COL22A1: variants seen among roughly 807,000 people sequenced by gnomAD.
The protein encoded by COL22A1 is collagen type XXII alpha 1 chain, also known as collagen alpha-1(XXII) chain.
COL22A1 carries 221 observed loss-of-function variants against 248.9 expected under a neutral mutation model. The ratio of observed to expected loss-of-function variants is 0.89; its 90% CI spans 0.80 to 0.99. The LOEUF (loss-of-function observed/expected upper bound fraction) is 0.99, where lower values mean the gene tolerates loss of function less well. Among genes scored for constraint, COL22A1 ranks in the 50% least tolerant of loss-of-function variants. COL22A1 has a pLI of 0.00. For synonymous variants in COL22A1, 891 were observed against 793.4 expected, an observed-to-expected ratio of 1.12 and a Z score of -2.07; for missense variants, 2,240 against 2,179.0, an observed-to-expected ratio of 1.03 and a Z score of -0.56.
chr8:138,807,907 C>G, intron 9 of COL22A1, 95 bp from the exon 10 acceptor site: 1 of 1,292,682 alleles, frequency 7.7e-7, no homozygotes, highest in Admixed American at 1.7e-5. Context: ...TGCTTAGAAG[C>G]CAATGGCTTA....
chr8:138,706,483 T>A lies in COL22A1; in HGVS notation c.2518-3136A>T, dbSNP rs141031150. 5.2e-3 allele frequency among the ~76,000 whole-genome samples: 797 copies of A among 152,258 alleles called. 22 individuals carry two copies. The South Asian group carries it at 0.068, about 13-fold the overall frequency. ...AAACTAGAATGCAGGATTAAGAAAC[T>A]CACTCAAAACCACTCAACCACATGG... On this transcript the variant is annotated intron_variant, in intron 30 of 64. Coordinates refer to ENST00000303045, the MANE Select transcript of COL22A1 (RefSeq NM_152888.3).
At position 138,844,151 on chromosome 8, in the gene COL22A1, GAGCACATCT is replaced by G; in HGVS notation, c.659-2_665del. On this transcript the variant is annotated splice_acceptor_variant and coding_sequence_variant, in exon 4 of 65. Transcript: ENST00000303045. LOFTEE classifies it high-confidence loss of function. ...CTCCTTCTACACGAACGCTAGGACA[GAGCACATCT>G]GAGGAAAGCAAGAGGAAACAGAGAC... 6.2e-7 allele frequency: 1 copy of G among 1,614,150 alleles called. No homozygotes were observed. Among genetic ancestry groups the G allele is most frequent in the South Asian group, 1.1e-5 (1 of 91,084 alleles).
chr8:138,775,874 A>T (rs1442975495), intron 16 of COL22A1, 92 bp downstream of exon 16: 2 of 1,194,198 alleles, frequency 1.7e-6, no homozygotes, highest in Non-Finnish European at 2.5e-6. Context: ...GTGTACACAC[A>T]CACACGAGCA....
At chr8:138,614,112 C>T (rs755748700) in intron 55 of COL22A1, among the ~76,000 whole-genome samples, 192 bp from the exon 56 acceptor site, 3 of 152,226 alleles carry the variant, frequency 2.0e-5, no homozygotes, top group Non-Finnish European at 4.4e-5. Context: ...AGTAAATGCA[C>T]GCAGGCCCGC....
chr8:138,683,815 T>C (rs1317189491), intron 39 of COL22A1, among the ~76,000 whole-genome samples: 2 of 152,200 alleles, frequency 1.3e-5, no homozygotes, highest in African/African-American at 4.8e-5. Context: ...AATCATCTGG[T>C]ACCACAATGA....
At chr8:138,605,948 C>G (rs1216670485) in intron 58 of COL22A1, among the ~76,000 whole-genome samples, 1 of 152,106 alleles carries the variant, frequency 6.6e-6, no homozygotes, top group Non-Finnish European at 1.5e-5. Flanking sequence ...TTCCAGGGGT[C>G]CTTCAAGTTC....
chr8:138,664,576 C>T (rs1169775938), intron 41 of COL22A1, among the ~76,000 whole-genome samples: 1 of 152,196 alleles, frequency 6.6e-6, no homozygotes, highest in Non-Finnish European at 1.5e-5. Flanking sequence ...GGATAGTCCC[C>T]GCCCCTGTAC....
chr8:138,626,215 C>G lies in COL22A1; in HGVS notation c.3692G>C (p.Gly1231Ala). Reference sequence around the variant, plus strand: ...TGGGATTCCGGGTAATCCAGATGGGCCTTGGGGGCCAGGAGGGCCTTCTTT... The same window carrying G: ...TGGGATTCCGGGTAATCCAGATGGGGCTTGGGGGCCAGGAGGGCCTTCTTT... ...PGKEGPPGPQGPSGLPGIPGE... is the reference protein window; with the variant it reads ...PGKEGPPGPQAPSGLPGIPGE... Residue 1231 changes from glycine (G) to alanine (A), a missense_variant, in exon 51 of 65, where the codon GGC (glycine) becomes GCC (alanine). Transcript: ENST00000303045. 1.2e-6 allele frequency: 2 copies of G among 1,607,246 alleles called. No individual in the cohort carries two copies. Among genetic ancestry groups the G allele is most frequent in the Non-Finnish European group, 8.5e-7 (1 of 1,177,722 alleles).
At chr8:138,816,231 G>GCGTT (rs1271462935) in intron 7 of COL22A1, among the ~76,000 whole-genome samples, 2 of 152,144 alleles carry the variant, frequency 1.3e-5, no homozygotes, top group Non-Finnish European at 2.9e-5. Flanking sequence ...CTGGACAGAG[G>GCGTT]CGTTCTCAGG....
intron 44 of COL22A1, 62 bp from the exon 45 acceptor site, chr8:138,656,006 T>C: frequency 2.2e-6 from 3 of 1,378,466 alleles, no homozygotes; most frequent in Non-Finnish European, 3.1e-6. Context: ...ATCCCAGGCA[T>C]CTTCAGAAAG....
chr8:138,730,405 A>G (rs1830623888), intron 23 of COL22A1, among the ~76,000 whole-genome samples: 1 of 152,122 alleles, frequency 6.6e-6, no homozygotes, highest in African/African-American at 2.4e-5. Context: ...AACGCCTACT[A>G]CGTACCGCTG....
At chr8:138,678,584 A>G (rs1043018108) in intron 40 of COL22A1, among the ~76,000 whole-genome samples, 2 of 151,880 alleles carry the variant, frequency 1.3e-5, no homozygotes, top group African/African-American at 4.8e-5. Flanking sequence ...GAGTAAAAAA[A>G]AAATAAGACA....
intron 35 of COL22A1, among the ~76,000 whole-genome samples, chr8:138,693,252 G>C (rs555133478): frequency 9.3e-5 from 14 of 151,290 alleles, no homozygotes; most frequent in Non-Finnish European, 1.6e-4. Flanking sequence ...GTTTGGGGCT[G>C]TGTGTGTGTG....
intron 53 of COL22A1, among the ~76,000 whole-genome samples, 175 bp downstream of exon 53, chr8:138,619,280 G>A (rs553200523): frequency 1.3e-5 from 2 of 152,290 alleles, no homozygotes; most frequent in South Asian, 2.1e-4. Context: ...AATGAATTTC[G>A]CAGCTATGTA....
intron 59 of COL22A1, among the ~76,000 whole-genome samples, chr8:138,603,736 G>A (rs1818216403): frequency 6.6e-6 from 1 of 152,176 alleles, no homozygotes; most frequent in Admixed American, 6.5e-5. Flanking sequence ...TATGGCTGGG[G>A]TGAGGAGTAA....
intron 41 of COL22A1, among the ~76,000 whole-genome samples, chr8:138,665,812 A>G (rs1020398787): frequency 6.6e-6 from 1 of 152,230 alleles, no homozygotes; most frequent in African/African-American, 2.4e-5. Context: ...AAAAAAAGAA[A>G]GAAAACAGAG....
At chr8:138,690,380 G>T (rs529192249) in intron 36 of COL22A1, among the ~76,000 whole-genome samples, 1 of 152,178 alleles carries the variant, frequency 6.6e-6, no homozygotes, top group Non-Finnish European at 1.5e-5. Flanking sequence ...AGGTGAAGCA[G>T]CCAAGCTATT....
chr8:138,806,003 TGTGAC>T (rs1227957199), intron 10 of COL22A1, among the ~76,000 whole-genome samples: 22 of 66,136 alleles, frequency 3.3e-4, no homozygotes, highest in East Asian at 6.6e-4. Context: ...GGTGTGTGTG[TGTGAC>T]GGTGTAGGTA....
chr8:138,693,939 G>A (rs375076459), intron 34 of COL22A1, among the ~76,000 whole-genome samples: 2 of 151,982 alleles, frequency 1.3e-5, no homozygotes, highest in South Asian at 2.1e-4. Context: ...GGTCAGCACC[G>A]ACCCTCTGTA....
Sources: gnomAD v4.1 joint callset for allele counts (sites outside exome capture counted in the v4.1 genomes callset) on GRCh38, gnomAD v4.1.1 for gene constraint, MANE v1.5 for transcripts, NCBI Gene and HGNC (gene_info 2026-07-23, HGNC 2026-07-21) for gene names.